COL4A2: variants seen among roughly 807,000 people sequenced by gnomAD.
The protein encoded by COL4A2 is collagen alpha-2(IV) chain.
Under a neutral mutation model 200.2 loss-of-function variants are expected in COL4A2, and 99 were observed. That is an observed-to-expected ratio of 0.49 (90% CI 0.42 to 0.58). COL4A2 has a LOEUF of 0.58. Among genes scored for constraint, COL4A2 ranks in the 20% least tolerant of loss-of-function variants. COL4A2 has a pLI of 0.00. For missense variants in COL4A2, 1,950 were observed against 2,314.1 expected, an observed-to-expected ratio of 0.84 and a Z score of 3.23; for synonymous variants, 897 against 900.6, an observed-to-expected ratio of 1.00 and a Z score of 0.07.
chr13:110,412,343 A>T (rs1348221080), intron 4 of COL4A2, among the ~76,000 whole-genome samples: 1 of 152,122 alleles, frequency 6.6e-6, no homozygotes, highest in Non-Finnish European at 1.5e-5. Flanking sequence ...GTAACCCAAA[A>T]CAATCTCAAA....
chr13:110,333,253 G>A (rs1876010292), intron 3 of COL4A2, among the ~76,000 whole-genome samples: 2 of 152,172 alleles, frequency 1.3e-5, no homozygotes, highest in Middle Eastern at 3.2e-3. Context: ...CATCACAGAA[G>A]GACCACCGCT....
chr13:110,482,294 A>G (rs373704108), intron 31 of COL4A2, among the ~76,000 whole-genome samples: 62 of 152,180 alleles, frequency 4.1e-4, no homozygotes, highest in African/African-American at 1.4e-3. Flanking sequence ...CTTGTTGCCA[A>G]TGTCCGGTCT....
chr13:110,397,159 G>A (rs748430304), intron 4 of COL4A2, among the ~76,000 whole-genome samples: 3 of 152,202 alleles, frequency 2.0e-5, no homozygotes, highest in Non-Finnish European at 4.4e-5. Context: ...TCCTCTGGCC[G>A]ACTGTTTATC....
At chr13:110,356,743 T>C (rs1173873725) in intron 3 of COL4A2, among the ~76,000 whole-genome samples, 2 of 151,632 alleles carry the variant, frequency 1.3e-5, no homozygotes, top group African/African-American at 4.8e-5. Flanking sequence ...TCCAGGACTT[T>C]GCTTGGCATC....
At chr13:110,469,906 CT>C (rs66524559) in intron 28 of COL4A2, among the ~76,000 whole-genome samples, 10 of 75,610 alleles carry the variant, frequency 1.3e-4, no homozygotes, top group East Asian at 4.7e-4. Flanking sequence ...GCATACACGT[CT>C]TTTTTTTTTT....
At chr13:110,383,412 T>G (rs772442628) in intron 4 of COL4A2, among the ~76,000 whole-genome samples, 10 of 152,210 alleles carry the variant, frequency 6.6e-5, no homozygotes, top group Non-Finnish European at 1.2e-4. Flanking sequence ...ATCAACTGTA[T>G]TTTTATCTGA....
At chr13:110,428,733 A>G in intron 7 of COL4A2, 150 bp downstream of exon 7, 1 of 441,034 alleles carries the variant, frequency 2.3e-6, no homozygotes, top group Non-Finnish European at 4.0e-6. Flanking sequence ...TCTGGATTCA[A>G]GTAACTTCAT....
intron 4 of COL4A2, among the ~76,000 whole-genome samples, chr13:110,423,446 G>A (rs1054507419): frequency 2.6e-5 from 4 of 152,132 alleles, no homozygotes; most frequent in Non-Finnish European, 4.4e-5. Context: ...TGGGTGGGTC[G>A]GGGGGAGGGA....
At chr13:110,334,354 C>T (rs1333344029) in intron 3 of COL4A2, among the ~76,000 whole-genome samples, 2 of 152,218 alleles carry the variant, frequency 1.3e-5, no homozygotes, top group Non-Finnish European at 2.9e-5. Flanking sequence ...CCACCATCTG[C>T]ATGTTGGAAG....
At chr13:110,455,405 G>A (rs1319737713) in intron 20 of COL4A2, among the ~76,000 whole-genome samples, 1 of 152,092 alleles carries the variant, frequency 6.6e-6, no homozygotes, top group Non-Finnish European at 1.5e-5. Context: ...TTTAATTGAA[G>A]CATCACTTCC....
intron 16 of COL4A2, among the ~76,000 whole-genome samples, chr13:110,440,736 C>G (rs1304884668): frequency 6.6e-6 from 1 of 152,202 alleles, no homozygotes; most frequent in Admixed American, 6.5e-5. Flanking sequence ...ACTGTGCCTG[C>G]GGGTCCCACC....
chr13:110,479,895 A>G (rs1172994208), intron 30 of COL4A2, among the ~76,000 whole-genome samples: 3 of 152,190 alleles, frequency 2.0e-5, no homozygotes, highest in South Asian at 2.1e-4. Flanking sequence ...CCCAGTGACC[A>G]TGCCCCAGCC....
intron 40 of COL4A2, among the ~76,000 whole-genome samples, chr13:110,498,112 G>T (rs943446369): frequency 6.6e-6 from 1 of 152,220 alleles, no homozygotes; most frequent in Non-Finnish European, 1.5e-5. Flanking sequence ...CTTGTTCTGC[G>T]TCTCACGTGC....
chr13:110,436,623 T>TA (rs941543263), intron 13 of COL4A2, among the ~76,000 whole-genome samples: 9 of 151,074 alleles, frequency 6.0e-5, no homozygotes, highest in South Asian at 4.2e-4. Flanking sequence ...AGAATTCATT[T>TA]AAAAAAAAAC....
intron 4 of COL4A2, among the ~76,000 whole-genome samples, chr13:110,408,854 CACAT>C (rs1345610448): frequency 4.9e-5 from 7 of 143,546 alleles, no homozygotes; most frequent in East Asian, 2.5e-4. Context: ...CACATATACA[CACAT>C]ACACGCACAT....
At chr13:110,323,369 G>C (rs577386383) in intron 3 of COL4A2, among the ~76,000 whole-genome samples, 13 of 152,388 alleles carry the variant, frequency 8.5e-5, no homozygotes, top group African/African-American at 3.1e-4. Context: ...TTCCTTGCCT[G>C]AGATGATGTC....
In COL4A2 at chr13:110,448,724, A is replaced by G. The variant is rs534685479; in HGVS notation, c.1079-955A>G. On this transcript the variant is annotated intron_variant, in intron 18 of 47. Coordinates refer to ENST00000360467, the MANE Select transcript of COL4A2 (RefSeq NM_001846.4). The stretch of plus-strand genomic sequence containing the variant: ...TTTGTGTCTTTTTATGGAATCAACA[A>G]TGGCTAACAGGAGTGTAGGTCACAC... Among the ~76,000 whole-genome samples, 30 of 151,706 alleles carry G rather than the reference A, an allele frequency of 2.0e-4. No individual in the cohort carries two copies. The East Asian group carries it at 5.6e-3, about 28-fold the overall frequency.
At chr13:110,327,700 A>C (rs1267554531) in intron 3 of COL4A2, among the ~76,000 whole-genome samples, 1 of 152,212 alleles carries the variant, frequency 6.6e-6, no homozygotes, top group African/African-American at 2.4e-5. Context: ...TCAGTGAAGC[A>C]TTAAAATCCC....
intron 3 of COL4A2, among the ~76,000 whole-genome samples, chr13:110,352,777 C>T (rs1328780095): frequency 6.6e-6 from 1 of 152,114 alleles, no homozygotes; most frequent in Non-Finnish European, 1.5e-5. Context: ...AGTAGGGTGC[C>T]CCCACCAGCT....
Sources: gnomAD v4.1 joint callset for allele counts (sites outside exome capture counted in the v4.1 genomes callset) on GRCh38, gnomAD v4.1.1 for gene constraint, MANE v1.5 for transcripts, NCBI Gene and HGNC (gene_info 2026-07-23, HGNC 2026-07-21) for gene names.